The following EML1 variants were observed in gnomAD, a reference collection of about 807,000 sequenced individuals.
EML1 encodes echinoderm microtubule-associated protein-like 1.
EML1 carries 27 observed loss-of-function variants against 110.4 expected under a neutral mutation model. The ratio of observed to expected loss-of-function variants is 0.24; its 90% CI spans 0.18 to 0.34. The LOEUF (loss-of-function observed/expected upper bound fraction) is 0.34. EML1 is among the 10% of genes least tolerant of loss of function. EML1 has a pLI of 1.00. For missense variants in EML1, 741 were observed against 1,030.9 expected (o/e 0.72, Z 3.85); for synonymous variants, 344 against 385.8 (o/e 0.89, Z 1.27).
chr14:99,809,739 G>A (rs1290407989), intron 1 of EML1: 1 of 455,966 alleles, frequency 2.2e-6, no homozygotes, highest in Non-Finnish European at 4.4e-6. Context: ...GATGGGTGGG[G>A]AGAACTCCTC....
upstream of EML1, among the ~76,000 whole-genome samples, chr14:99,792,210 G>A (rs1566866041): frequency 6.6e-6 from 1 of 152,176 alleles, no homozygotes; most frequent in Non-Finnish European, 1.5e-5. Context: ...GCCCAAGCGA[G>A]ACCTACGAGT....
chr14:99,757,962 C>T (rs1383980614), intron 1 of EML1, among the ~76,000 whole-genome samples: 1 of 152,210 alleles, frequency 6.6e-6, no homozygotes, highest in East Asian at 1.9e-4. Context: ...GATGAGCACA[C>T]ATAATCTATG....
rs2236282 is a variant in EML1, at chr14:99,939,420, C to T, written c.2322+93C>T. On this transcript the variant is annotated intron_variant, in intron 21 of 21. Transcript: ENST00000262233. This position sits in a 1 kb window ranked among gnomAD's most constrained non-coding sequence, Gnocchi z 4.2. ...AGACTAAGTGGAAATGGGCTGTGAG[C>T]GACTGCTGCCAGCCACAAAGGCAGA... The T allele has an allele frequency of 0.27, 422,102 of 1,544,508 alleles. 61,295 individuals are homozygous for T. Among genetic ancestry groups the T allele is most frequent in the African/African-American group, 0.46 (33,901 of 73,170 alleles).
intron 1 of EML1, among the ~76,000 whole-genome samples, chr14:99,761,099 T>C (rs1450606230): frequency 6.6e-6 from 1 of 152,206 alleles, no homozygotes. Context: ...GTCCTCACTG[T>C]ACCCTGGGAG....
rs745448819 is a variant in EML1, at chr14:99,936,367, G to A, written c.2095+33G>A. 45 of 1,597,748 alleles carry A rather than the reference G, an allele frequency of 2.8e-5. No individual in the cohort carries two copies. Among genetic ancestry groups the A allele is most frequent in the South Asian group, 6.6e-5 (6 of 90,490 alleles). On this transcript the variant is annotated intron_variant, in intron 19 of 21. Coordinates refer to ENST00000262233, the MANE Select transcript of EML1 (RefSeq NM_004434.3). This position sits in a 1 kb window ranked among gnomAD's most constrained non-coding sequence, Gnocchi z 5.5. ...CCACCCCGGGGTTGTATGAAGTCTC[G>A]ATCTCAGAAAGCGTTCACTCTGAGA...
rs1265939463 is a variant in EML1 at position 99,793,507 on chromosome 14, C to G, written c.31C>G (p.Leu11Val). 11 of 1,051,546 alleles carry G rather than the reference C, an allele frequency of 1.0e-5. No homozygotes were observed. The highest frequency in any genetic ancestry group is 1.2e-5 in the Non-Finnish European group (10 of 867,956). The allele number at this position is 1,051,546 out of a possible 1,614,324, so 65.1% of individuals were successfully genotyped here. A position where few individuals can be genotyped will look rare whatever the true frequency, so the allele number is the denominator to read the frequency against. The change falls in exon 1 of 22, where the codon CTG (leucine) becomes GTG (valine). Residue 11 changes from leucine (L) to valine (V), a missense_variant. Coordinates refer to ENST00000262233, the MANE Select transcript of EML1 (RefSeq NM_004434.3). ...GGACGGCTTCTCCAGCTACAGCAGC[C>G]TGTACGACACGTCCTCGCTGCTCCA... MEDGFSSYSS[L>V]YDTSSLLQFC...
intron 1 of EML1, among the ~76,000 whole-genome samples, chr14:99,821,266 CAA>C (rs1421701462): frequency 1.3e-5 from 2 of 152,170 alleles, no homozygotes; most frequent in Non-Finnish European, 2.9e-5. Flanking sequence ...CTCAACATCT[CAA>C]AGTGTTGCGA....
At chr14:99,818,648 G>A (rs1037525065) in intron 1 of EML1, among the ~76,000 whole-genome samples, 2 of 152,178 alleles carry the variant, frequency 1.3e-5, no homozygotes, top group African/African-American at 4.8e-5. Context: ...GTCAGAGCTG[G>A]AGCTTGAGAG....
In EML1 at chr14:99,941,610, TTC is replaced by T. The variant is rs1566952170; in HGVS notation, c.*1500_*1501del. ...AAAATTAGATATGATTCACACTATATTCTGTTTCATATGCAGATTTTATTCTC... is the reference window on the plus strand; with the variant it reads ...AAAATTAGATATGATTCACACTATATTGTTTCATATGCAGATTTTATTCTC... On this transcript the variant is annotated 3_prime_UTR_variant, in exon 22 of 22. Transcript: ENST00000262233. The T allele has an allele frequency of 6.6e-6, 1 of 152,240 alleles. No homozygotes were observed. Among genetic ancestry groups the T allele is most frequent in the South Asian group, 2.1e-4 (1 of 4,830 alleles). The allele number at this position is 152,240 out of a possible 1,614,324, so 9.4% of individuals were successfully genotyped here. A position where few individuals can be genotyped will look rare whatever the true frequency, so the allele number is the denominator to read the frequency against.
intron 1 of EML1, among the ~76,000 whole-genome samples, chr14:99,836,694 G>T (rs2058546544): frequency 1.3e-5 from 2 of 152,122 alleles, no homozygotes; most frequent in Non-Finnish European, 2.9e-5. Context: ...ATGTCCAGTT[G>T]TTTTTTCGTG....
chr14:99,797,566 A>C (rs28679720), intron 1 of EML1, among the ~76,000 whole-genome samples: 48,101 of 152,078 alleles, frequency 0.32, 8,963 homozygotes, highest in African/African-American at 0.51. Context: ...TTTATTATAC[A>C]TTTTTGATAA....
chr14:99,842,902 G>A (rs1018229433), intron 1 of EML1, among the ~76,000 whole-genome samples: 1 of 152,182 alleles, frequency 6.6e-6, no homozygotes, highest in Non-Finnish European at 1.5e-5. Flanking sequence ...CAGTGAGCGT[G>A]TGTGCCTTCT....
At chr14:99,803,027 A>C (rs1246393799) in intron 1 of EML1, among the ~76,000 whole-genome samples, 2 of 152,066 alleles carry the variant, frequency 1.3e-5, no homozygotes, top group Non-Finnish European at 2.9e-5. Flanking sequence ...AACCTCTGTC[A>C]TCATGATTAT....
chr14:99,926,412 G>A lies in EML1; in HGVS notation c.1909+5535G>A, dbSNP rs568338951. 5.3e-5 allele frequency among the ~76,000 whole-genome samples: 8 copies of A among 151,522 alleles called. No individual in the cohort carries two copies. The East Asian group carries it at 9.8e-4, about 19-fold the overall frequency. ...CAATTCTCCTGCCTCGGCCTCCTGA[G>A]TAGCTGGAACTACAGGCTTACGCCA... is the stretch of plus-strand genomic sequence containing the variant. On this transcript the variant is annotated intron_variant, in intron 17 of 21. Coordinates refer to ENST00000262233, the MANE Select transcript of EML1 (RefSeq NM_004434.3).
At chr14:99,803,598 G>A (rs570200460) in intron 1 of EML1, among the ~76,000 whole-genome samples, 9 of 152,252 alleles carry the variant, frequency 5.9e-5, no homozygotes, top group South Asian at 2.1e-4. Context: ...GCTAGACACC[G>A]CTTCACTGGA....
At chr14:99,809,108 A>C (rs1344006781) in intron 1 of EML1, among the ~76,000 whole-genome samples, 1 of 152,206 alleles carries the variant, frequency 6.6e-6, no homozygotes, top group African/African-American at 2.4e-5. Context: ...CTGGTAATCT[A>C]TACCTTTATA....
intron 1 of EML1, among the ~76,000 whole-genome samples, chr14:99,766,365 T>C (rs2057369484): frequency 6.6e-6 from 1 of 152,084 alleles, no homozygotes; most frequent in East Asian, 1.9e-4. Context: ...AGCTAATTTT[T>C]GTATTTTTAG....
In EML1 at chr14:99,939,837, T is replaced by C. The variant is rs989767333; in HGVS notation, c.2323-150T>C. On this transcript the variant is annotated intron_variant, in intron 21 of 21. Transcript: ENST00000262233. The surrounding 1 kb of genome is among the most constrained non-coding windows in gnomAD (Gnocchi z 4.2). ...GGGCTTTGTTTCTGTGTCCCTTCTG[T>C]GTCACACACAGAGCAGGTTCCCAAG... is the stretch of plus-strand genomic sequence containing the variant. 6.1e-6 allele frequency: 6 copies of C among 983,932 alleles called. No homozygotes were observed. The African/African-American group carries it at 9.8e-5, about 16-fold the overall frequency. The allele number at this position is 983,932 out of a possible 1,614,324, so 61.0% of individuals were successfully genotyped here.
intron 1 of EML1, among the ~76,000 whole-genome samples, chr14:99,849,169 T>C (rs1160251684): frequency 6.6e-6 from 1 of 152,170 alleles, no homozygotes; most frequent in Non-Finnish European, 1.5e-5. Flanking sequence ...TGATGATTAA[T>C]TCTTTCTGGT....
Sources: gnomAD v4.1 joint callset for allele counts (sites outside exome capture counted in the v4.1 genomes callset) on GRCh38, gnomAD v4.1.1 for gene constraint, Gnocchi (gnomAD v3.1) non-coding constraint, MANE v1.5 for transcripts, NCBI Gene and HGNC (gene_info 2026-07-23, HGNC 2026-07-21) for gene names.